CAMK2B: variants seen among roughly 807,000 people sequenced by gnomAD.
CAMK2B encodes the protein calcium/calmodulin dependent protein kinase II beta, also known as calcium/calmodulin-dependent protein kinase type II subunit beta.
In CAMK2B, 27 loss-of-function variants were observed where a neutral mutation model predicts 93.7. That is an observed-to-expected ratio of 0.29 (90% confidence interval 0.21 to 0.40). The LOEUF (loss-of-function observed/expected upper bound fraction) is 0.40, where lower values mean the gene tolerates loss of function less well. CAMK2B is among the 10% of genes least tolerant of loss of function. CAMK2B has a pLI of 1.00. For missense variants in CAMK2B, 568 were observed against 895.8 expected, an observed-to-expected ratio of 0.63 and a Z score of 4.67; for synonymous variants, 374 against 358.8, an observed-to-expected ratio of 1.04 and a Z score of -0.48.
intron 2 of CAMK2B, among the ~76,000 whole-genome samples, chr7:44,275,590 G>A (rs2097027077): frequency 6.6e-6 from 1 of 152,250 alleles, no homozygotes; most frequent in East Asian, 1.9e-4. Context: ...GTATAAGTTT[G>A]TCTCAATTTC....
At chr7:44,319,732 C>T (rs950029463) in intron 1 of CAMK2B, among the ~76,000 whole-genome samples, 59 of 152,136 alleles carry the variant, frequency 3.9e-4, no homozygotes, top group Admixed American at 3.2e-3. Context: ...ATCACACTTG[C>T]TAGAGGATGG....
intron 1 of CAMK2B, among the ~76,000 whole-genome samples, chr7:44,315,307 T>A (rs115993332): frequency 6.6e-6 from 1 of 152,250 alleles, no homozygotes; most frequent in Non-Finnish European, 1.5e-5. Flanking sequence ...GGATACTCAA[T>A]TGTCCATTTG....
chr7:44,242,917 C>A (rs1467682389), intron 8 of CAMK2B, among the ~76,000 whole-genome samples: 3 of 152,190 alleles, frequency 2.0e-5, no homozygotes, highest in Non-Finnish European at 4.4e-5. Context: ...TGGGAGGAGA[C>A]CCCTACCCAA....
chr7:44,259,637 G>C (rs1364956092), intron 3 of CAMK2B: 1 of 152,586 alleles, frequency 6.6e-6, no homozygotes, highest in Admixed American at 6.5e-5. Flanking sequence ...GGCAGGAGCT[G>C]GTCAGGATGT....
intron 1 of CAMK2B, among the ~76,000 whole-genome samples, chr7:44,299,471 A>C (rs1789284441): frequency 6.6e-6 from 1 of 152,250 alleles, no homozygotes; most frequent in South Asian, 2.1e-4. Context: ...TGGTAGCACA[A>C]CAATGTGAAT....
chr7:44,220,794 T>C (rs1003376064), intron 21 of CAMK2B, 32 bp downstream of exon 21: 27 of 1,559,226 alleles, frequency 1.7e-5, no homozygotes, highest in Middle Eastern at 3.3e-4. Flanking sequence ...ATCCTTGTCC[T>C]GCACAGCCCC....
intron 1 of CAMK2B, among the ~76,000 whole-genome samples, chr7:44,292,971 G>A (rs1171573294): frequency 6.6e-6 from 1 of 152,208 alleles, no homozygotes; most frequent in African/African-American, 2.4e-5. Context: ...CCACTGCCCT[G>A]GGGTCTTTGT....
At chr7:44,325,326 C>G (rs1400786860) in intron 1 of CAMK2B, 31 bp downstream of exon 1, 1 of 1,200,374 alleles carries the variant, frequency 8.3e-7, no homozygotes, top group Non-Finnish European at 1.1e-6. Context: ...CTGGGGTCCC[C>G]GGCCCAGCCC....
At chr7:44,232,954 A>T in intron 15 of CAMK2B, 88 bp from the exon 16 acceptor site, 1 of 1,212,178 alleles carries the variant, frequency 8.2e-7, no homozygotes, top group Non-Finnish European at 1.2e-6. Context: ...GAACAGGGAG[A>T]CAGAGGAGGT....
At chr7:44,245,063 C>A in intron 6 of CAMK2B, 1 of 438,890 alleles carries the variant, frequency 2.3e-6, no homozygotes. Context: ...TGCATTTCTC[C>A]ACCCAGCCCA....
intron 8 of CAMK2B, among the ~76,000 whole-genome samples, chr7:44,242,855 C>G (rs1405164875): frequency 1.3e-5 from 2 of 152,180 alleles, no homozygotes; most frequent in African/African-American, 2.4e-5. Context: ...CACACCCACA[C>G]TATCACAGGG....
chr7:44,269,457 G>A (rs1281556212), intron 2 of CAMK2B, among the ~76,000 whole-genome samples: 1 of 152,228 alleles, frequency 6.6e-6, no homozygotes, highest in African/African-American at 2.4e-5. Flanking sequence ...CCGGGATGGA[G>A]CTGGCAGAGG....
At chr7:44,284,289 C>G in intron 1 of CAMK2B, 64 bp from the exon 2 acceptor site, 3 of 1,161,626 alleles carry the variant, frequency 2.6e-6, no homozygotes, top group South Asian at 1.3e-5. Context: ...AGAGAGAGAG[C>G]CGATTAATCT....
At chr7:44,221,484 G>C (rs929833167) in intron 20 of CAMK2B, among the ~76,000 whole-genome samples, 3 of 149,892 alleles carry the variant, frequency 2.0e-5, no homozygotes, top group African/African-American at 7.6e-5. Flanking sequence ...GGAAGCAGCA[G>C]GGGGCGGCCA....
intron 4 of CAMK2B, among the ~76,000 whole-genome samples, chr7:44,257,202 G>A (rs879612410): frequency 2.6e-5 from 4 of 152,178 alleles, no homozygotes; most frequent in African/African-American, 4.8e-5. Context: ...GGCCTCCTGA[G>A]GGCAATGCCA....
At chr7:44,284,967 C>CA (rs1306238436) in intron 1 of CAMK2B, among the ~76,000 whole-genome samples, 6 of 152,130 alleles carry the variant, frequency 3.9e-5, no homozygotes, top group Admixed American at 1.3e-4. Flanking sequence ...TGACCAGCAT[C>CA]AACCACAGTC....
intron 2 of CAMK2B, among the ~76,000 whole-genome samples, chr7:44,278,928 C>T (rs1379309769): frequency 1.3e-5 from 2 of 152,214 alleles, no homozygotes; most frequent in Admixed American, 6.5e-5. Context: ...GTGGCTACAG[C>T]GGGGCCCCCG....
At chr7:44,299,533 T>G (rs373719486) in intron 1 of CAMK2B, among the ~76,000 whole-genome samples, 1 of 152,132 alleles carries the variant, frequency 6.6e-6, no homozygotes, top group East Asian at 1.9e-4. Flanking sequence ...ATAGTAAAAT[T>G]TTTATGTATA....
chr7:44,245,694 G>C (rs573975438), intron 6 of CAMK2B, among the ~76,000 whole-genome samples: 47 of 152,246 alleles, frequency 3.1e-4, no homozygotes, highest in African/African-American at 1.1e-3. Context: ...AGATGAGAGG[G>C]AACAGGGGGT....
Sources: allele counts gnomAD v4.1 joint callset (sites outside exome capture counted in the v4.1 genomes callset), GRCh38; gene constraint gnomAD v4.1.1; transcripts MANE v1.5; gene names NCBI Gene and HGNC (gene_info 2026-07-23, HGNC 2026-07-21).